Variants in TTC27 observed in about 807,000 individuals in gnomAD.
TTC27 encodes tetratricopeptide repeat protein 27.
TTC27 carries 79 observed loss-of-function variants against 115.9 expected under a neutral mutation model. The observed-to-expected ratio is 0.68, with a 90% CI of 0.57 to 0.82. TTC27 has a LOEUF of 0.82. TTC27 is among the 40% of genes least tolerant of loss of function. TTC27 has a pLI of 0.00. For missense variants in TTC27, 1,054 were observed against 993.1 expected (o/e 1.06, Z -0.82); for synonymous variants, 401 against 356.0 (o/e 1.13, Z -1.42).
intron 16 of TTC27, among the ~76,000 whole-genome samples, chr2:32,808,814 A>G (rs962405664): frequency 2.6e-5 from 4 of 152,212 alleles, no homozygotes; most frequent in African/African-American, 9.7e-5. Context: ...AGTGTGTTTC[A>G]TTTGTACATG....
chr2:32,715,965 G>C (rs375583303), intron 10 of TTC27, among the ~76,000 whole-genome samples: 1 of 53,570 alleles, frequency 1.9e-5, no homozygotes, highest in South Asian at 7.2e-4. Flanking sequence ...GTGTGTCACT[G>C]TTCTTAATTG....
At chr2:32,680,036 TA>T (rs1346720485) in intron 9 of TTC27, among the ~76,000 whole-genome samples, 1 of 152,156 alleles carries the variant, frequency 6.6e-6, no homozygotes, top group Admixed American at 6.5e-5. Flanking sequence ...GCTTATTTTG[TA>T]CTGTAATATA....
rs145666137 is a variant in TTC27, at chr2:32,650,264, A to G, written c.640+31A>G. 4.2e-4 allele frequency: 648 copies of G among 1,554,020 alleles called. 2 individuals carry two copies. The African/African-American group carries it at 7.7e-3, about 19-fold the overall frequency. ...TAGCAGATTTTTGTTTGATATGGGC[A>G]TGTAGCTCAGTTCTAATTACTTGGC... On this transcript the variant is annotated intron_variant, in intron 5 of 19. Transcript: ENST00000317907.
At chr2:32,776,599 G>T (rs1670003351) in intron 13 of TTC27, among the ~76,000 whole-genome samples, 1 of 151,872 alleles carries the variant, frequency 6.6e-6, no homozygotes, top group Non-Finnish European at 1.5e-5. Flanking sequence ...TTAGTTTTTT[G>T]TGTTTTTGTT....
chr2:32,639,874 C>T (rs755721184), intron 3 of TTC27, among the ~76,000 whole-genome samples: 2 of 152,020 alleles, frequency 1.3e-5, no homozygotes, highest in African/African-American at 2.4e-5. Flanking sequence ...TGTGGTGGTG[C>T]GTGCCTGGAG....
intron 9 of TTC27, among the ~76,000 whole-genome samples, chr2:32,687,802 T>TG (rs1259398265): frequency 1.3e-5 from 2 of 152,136 alleles, no homozygotes; most frequent in Non-Finnish European, 2.9e-5. Context: ...CCACAGTACA[T>TG]GAAACAAAAA....
At chr2:32,677,432 A>G (rs1455456500) in intron 8 of TTC27, among the ~76,000 whole-genome samples, 1 of 152,002 alleles carries the variant, frequency 6.6e-6, no homozygotes, top group East Asian at 1.9e-4. Context: ...GAATGTTCAC[A>G]AAGAATAGTG....
intron 13 of TTC27, among the ~76,000 whole-genome samples, chr2:32,776,223 A>T (rs1669993337): frequency 6.6e-6 from 1 of 152,284 alleles, no homozygotes; most frequent in Admixed American, 6.5e-5. Context: ...AAAGCGTTAA[A>T]TGGCCCAAGT....
chr2:32,644,180 CAAA>C (rs70938356), intron 4 of TTC27, among the ~76,000 whole-genome samples: 2 of 75,370 alleles, frequency 2.7e-5, no homozygotes, highest in African/African-American at 4.8e-5. Context: ...GACTCTGTTT[CAAA>C]AAAAAAAAAA....
At chr2:32,642,925 C>A (rs1001144719) in intron 4 of TTC27, among the ~76,000 whole-genome samples, 14 of 152,102 alleles carry the variant, frequency 9.2e-5, no homozygotes, top group Non-Finnish European at 1.5e-4. Context: ...GCCTCCATCT[C>A]CCCTAAGTGC....
chr2:32,763,532 A>G (rs934479610), intron 13 of TTC27, among the ~76,000 whole-genome samples: 1 of 152,228 alleles, frequency 6.6e-6, no homozygotes, highest in Non-Finnish European at 1.5e-5. Context: ...GTTAGGGGGA[A>G]AAAGGCTATT....
At chr2:32,684,779 G>C (rs1666571563) in intron 9 of TTC27, among the ~76,000 whole-genome samples, 1 of 151,844 alleles carries the variant, frequency 6.6e-6, no homozygotes, top group East Asian at 1.9e-4. Context: ...TATTACTAGA[G>C]TTGATTACTT....
rs574326582 is a variant in TTC27 at position 32,629,209 on chromosome 2, C to T, written c.88+829C>T. ...CCATCTCGGCTCACTGCAACCTCCGCTTCCCCGGTTCAAGCGATTCTCCTG... is the reference window on the plus strand; with the variant it reads ...CCATCTCGGCTCACTGCAACCTCCGTTTCCCCGGTTCAAGCGATTCTCCTG... On this transcript the variant is annotated intron_variant, in intron 1 of 19. Transcript: ENST00000317907. Among the ~76,000 whole-genome samples, 4 of 151,976 alleles carry T rather than the reference C, an allele frequency of 2.6e-5. No individual in the cohort carries two copies. In the South Asian group the frequency reaches 6.2e-4, roughly 24 times the overall value.
At chr2:32,647,707 A>C (rs1173724222) in intron 4 of TTC27, among the ~76,000 whole-genome samples, 1 of 152,190 alleles carries the variant, frequency 6.6e-6, no homozygotes, top group Non-Finnish European at 1.5e-5. Flanking sequence ...GTGCTGTGGC[A>C]TATACCTGTC....
intron 12 of TTC27, among the ~76,000 whole-genome samples, chr2:32,756,459 A>C (rs1189351522): frequency 6.6e-6 from 1 of 152,230 alleles, no homozygotes; most frequent in East Asian, 1.9e-4. Flanking sequence ...GGGACTTAAA[A>C]GTATTTTTTC....
intron 12 of TTC27, among the ~76,000 whole-genome samples, chr2:32,745,112 T>C (rs2151921003): frequency 6.7e-6 from 1 of 149,798 alleles, no homozygotes; most frequent in East Asian, 2.0e-4. Context: ...CTTCTTGTAG[T>C]TGGAAGTCTA....
intron 10 of TTC27, among the ~76,000 whole-genome samples, chr2:32,717,497 C>T (rs1667793029): frequency 6.6e-6 from 1 of 152,164 alleles, no homozygotes; most frequent in Non-Finnish European, 1.5e-5. Flanking sequence ...TGCTGTAGGT[C>T]ATGGTCAGCT....
At chr2:32,807,004 C>T (rs1002159421) in intron 16 of TTC27, among the ~76,000 whole-genome samples, 2 of 152,074 alleles carry the variant, frequency 1.3e-5, no homozygotes, top group Non-Finnish European at 2.9e-5. Flanking sequence ...CGTGAAAACA[C>T]CTGTGTAACC....
chr2:32,633,774 G>C, intron 2 of TTC27, 102 bp from the exon 3 acceptor site: 1 of 1,314,242 alleles, frequency 7.6e-7, no homozygotes, highest in East Asian at 2.4e-5. Context: ...AATAAATGTT[G>C]ATAGATATTA....
Sources: allele counts gnomAD v4.1 joint callset (sites outside exome capture counted in the v4.1 genomes callset), GRCh38; gene constraint gnomAD v4.1.1; transcripts MANE v1.5; gene names NCBI Gene and HGNC (gene_info 2026-07-23, HGNC 2026-07-21).